Variants in WWOX observed in about 807,000 individuals in gnomAD.
WWOX encodes WW domain containing oxidoreductase, also known as WW domain-containing oxidoreductase.
A neutral mutation model predicts 46.2 loss-of-function variants in WWOX; 69 were observed. The observed-to-expected ratio is 1.49, with a 90% confidence interval of 1.23 to 1.82. The LOEUF is 1.82. Ranked by LOEUF, WWOX falls within the 40% of genes most tolerant of loss-of-function variation. The pLI is 0.00. For synonymous variants in WWOX, 359 were observed against 202.6 expected (o/e 1.77, Z -6.56); for missense variants, 919 against 542.6 (o/e 1.69, Z -6.89).
At chr16:78,551,466 A>G (rs898174419) in intron 8 of WWOX, 1 of 152,198 alleles carries the variant, frequency 6.6e-6, no homozygotes, top group African/African-American at 2.4e-5. Context: ...CTCCCATCCT[A>G]CAATTCAAGT....
intron 8 of WWOX, among the ~76,000 whole-genome samples, chr16:79,049,727 T>G (rs962533736): frequency 2.6e-5 from 4 of 151,512 alleles, no homozygotes; most frequent in Non-Finnish European, 5.9e-5. Flanking sequence ...TCCCAGCCAC[T>G]TGGGAGGCTG....
intron 5 of WWOX, among the ~76,000 whole-genome samples, chr16:78,188,806 T>C (rs1289681060): frequency 6.6e-6 from 1 of 152,026 alleles, no homozygotes; most frequent in African/African-American, 2.4e-5. Context: ...GTATCAGTGG[T>C]TTTCCCTGGG....
chr16:79,037,516 C>A (rs192250521), intron 8 of WWOX, among the ~76,000 whole-genome samples: 1 of 152,196 alleles, frequency 6.6e-6, no homozygotes, highest in East Asian at 1.9e-4. Context: ...CAGCTGTCAC[C>A]TTCCCAAAGT....
chr16:78,318,178 C>A (rs544960308), intron 5 of WWOX, among the ~76,000 whole-genome samples: 1 of 151,850 alleles, frequency 6.6e-6, no homozygotes, highest in African/African-American at 2.4e-5. Context: ...TGTAGTTGAT[C>A]TTTACTTCCC....
At chr16:78,851,635 C>T (rs1014865028) in intron 8 of WWOX, among the ~76,000 whole-genome samples, 2 of 152,188 alleles carry the variant, frequency 1.3e-5, no homozygotes, top group African/African-American at 4.8e-5. Context: ...CAGTGTCAGA[C>T]ACATAGAGAT....
chr16:78,943,757 A>C (rs1453287659), intron 8 of WWOX, among the ~76,000 whole-genome samples: 3 of 152,152 alleles, frequency 2.0e-5, no homozygotes, highest in Admixed American at 6.5e-5. Flanking sequence ...AGCTTCCTGC[A>C]ACTCCTTCTG....
chr16:78,111,563 G>C (rs896456292), intron 3 of WWOX, among the ~76,000 whole-genome samples: 1 of 152,158 alleles, frequency 6.6e-6, no homozygotes, highest in Non-Finnish European at 1.5e-5. Context: ...AGCAGACCGC[G>C]AAAGGGAGTC....
chr16:79,133,678 G>A (rs910264248), intron 8 of WWOX, among the ~76,000 whole-genome samples: 6 of 152,092 alleles, frequency 3.9e-5, no homozygotes, highest in Non-Finnish European at 7.4e-5. Flanking sequence ...CCTGCACTGG[G>A]GAGTTGTATA....
At chr16:78,768,405 C>T (rs540856606) in intron 8 of WWOX, among the ~76,000 whole-genome samples, 3 of 151,328 alleles carry the variant, frequency 2.0e-5, no homozygotes, top group East Asian at 3.9e-4. Context: ...CACTGGCCAA[C>T]ATGTTGAAAC....
At chr16:78,138,401 A>G (rs941498992) in intron 4 of WWOX, among the ~76,000 whole-genome samples, 1 of 136,932 alleles carries the variant, frequency 7.3e-6, no homozygotes, top group Non-Finnish European at 1.7e-5. Flanking sequence ...TGTGCTCGTG[A>G]TGTGGTTAGC....
chr16:78,762,812 A>T (rs2049826550), intron 8 of WWOX, among the ~76,000 whole-genome samples: 1 of 152,228 alleles, frequency 6.6e-6, no homozygotes, highest in African/African-American at 2.4e-5. Flanking sequence ...TGTATCTGTA[A>T]TATGGGGAAT....
intron 5 of WWOX, among the ~76,000 whole-genome samples, chr16:78,251,550 C>T (rs560393171): frequency 2.6e-5 from 4 of 152,188 alleles, no homozygotes; most frequent in Non-Finnish European, 5.9e-5. Context: ...ACCTGAAGGT[C>T]TACATCAAAT....
chr16:78,638,669 G>A (rs1226903219), intron 8 of WWOX, among the ~76,000 whole-genome samples: 1 of 152,168 alleles, frequency 6.6e-6, no homozygotes, highest in African/African-American at 2.4e-5. Flanking sequence ...GGCGGGGGCG[G>A]TCAGAGGAGA....
chr16:79,121,161 C>G (rs1370143264), intron 8 of WWOX, among the ~76,000 whole-genome samples: 2 of 152,186 alleles, frequency 1.3e-5, no homozygotes, highest in African/African-American at 4.8e-5. Context: ...TTACTCACAC[C>G]TGCGTATACC....
At chr16:78,596,231 T>C (rs1383531967) in intron 8 of WWOX, among the ~76,000 whole-genome samples, 2 of 152,200 alleles carry the variant, frequency 1.3e-5, no homozygotes, top group Non-Finnish European at 2.9e-5. Context: ...GGTTGGATAC[T>C]TTGGGTTTGC....
intron 5 of WWOX, among the ~76,000 whole-genome samples, chr16:78,384,856 C>T (rs1211732292): frequency 6.6e-6 from 1 of 152,140 alleles, no homozygotes; most frequent in East Asian, 1.9e-4. Context: ...AGGCTTTGTG[C>T]CAGGTGCGGT....
chr16:78,395,611 AGAG>A (rs1231758476), intron 6 of WWOX, among the ~76,000 whole-genome samples: 2 of 152,184 alleles, frequency 1.3e-5, no homozygotes, highest in African/African-American at 4.8e-5. Flanking sequence ...CTGACAACCA[AGAG>A]AAGAAGGGAA....
At chr16:78,532,012 T>G (rs1174986766) in intron 8 of WWOX, among the ~76,000 whole-genome samples, 3 of 151,840 alleles carry the variant, frequency 2.0e-5, no homozygotes, top group African/African-American at 7.2e-5. Flanking sequence ...GGCGGGAGAT[T>G]AGTTAGAGAC....
intron 8 of WWOX, among the ~76,000 whole-genome samples, chr16:78,739,386 C>T (rs993392328): frequency 1.2e-4 from 18 of 152,126 alleles, no homozygotes; most frequent in African/African-American, 3.9e-4. Context: ...TGGAGGCACC[C>T]AACAGTGATT....
Sources: gnomAD v4.1 joint callset for allele counts (sites outside exome capture counted in the v4.1 genomes callset) on GRCh38, gnomAD v4.1.1 for gene constraint, MANE v1.5 for transcripts, NCBI Gene and HGNC (gene_info 2026-07-23, HGNC 2026-07-21) for gene names.